PPP2R1A: variants seen among roughly 807,000 people sequenced by gnomAD.
The protein encoded by PPP2R1A is serine/threonine-protein phosphatase 2A 65 kDa regulatory subunit A alpha isoform.
PPP2R1A carries 15 observed loss-of-function variants against 67.1 expected under a neutral mutation model. The observed-to-expected ratio is 0.22, with a 90% confidence interval of 0.15 to 0.34. The LOEUF is 0.34. Ranked by LOEUF, PPP2R1A falls within the 10% of genes least tolerant of loss-of-function variation. The pLI is 1.00. For synonymous variants in PPP2R1A, 337 were observed against 325.0 expected (o/e 1.04, Z -0.40); for missense variants, 369 against 775.0 (o/e 0.48, Z 6.22).
Position 52,202,047 on chromosome 19 carries a change from ACCC to A in PPP2R1A, c.169+15_169+17del. The A allele has an allele frequency of 1.2e-6, 2 of 1,611,064 alleles. No homozygotes were observed. Among genetic ancestry groups the A allele is most frequent in the Non-Finnish European group, 1.7e-6 (2 of 1,177,440 alleles). On this transcript the variant is annotated intron_variant, in intron 2 of 14. Transcript: ENST00000322088. ...CCTTTCCTTACAGGTAACAAAGGGG[ACCC>A]CTGGGGCCCAGATGTGGGGACTCTT...
rs1023697423 is a variant in PPP2R1A, at chr19:52,215,773, C to T, written c.808-6C>T. The T allele has an allele frequency of 3.1e-6, 5 of 1,612,498 alleles. No homozygotes were observed. The African/African-American group carries it at 6.7e-5, about 22-fold the overall frequency. Reference sequence around the variant, plus strand: ...TCACTCTCCCCCTCCTCCTTCCTGTCTGCAGCTCCAGAAAGCAGTGGGGCC... The same window carrying T: ...TCACTCTCCCCCTCCTCCTTCCTGTTTGCAGCTCCAGAAAGCAGTGGGGCC... On this transcript the variant is annotated splice_polypyrimidine_tract_variant and splice_region_variant and intron_variant, in intron 6 of 14. Transcript: ENST00000322088.
chr19:52,211,484 A>C lies in PPP2R1A; in HGVS notation c.495A>C (p.Glu165Asp), dbSNP rs200123377. The change falls in exon 4 of 15, where the codon GAA (glutamate) becomes GAC (aspartate). Residue 165 changes from glutamate (E) to aspartate (D), a missense_variant. Glu to Asp is a conservative substitution (Grantham distance 45). Around this residue, in one of 2 missense-constraint regions of PPP2R1A, gnomAD observed 93 missense variants for 266.5 expected, o/e 0.35. Transcript: ENST00000322088. The surrounding 1 kb of genome is among the most constrained non-coding windows in gnomAD (Gnocchi z 5.3). Reference protein sequence around the residue: ...YPRVSSAVKAELRQYFRNLCS... With the variant: ...YPRVSSAVKADLRQYFRNLCS... ...GAGTGTCCAGTGCTGTGAAGGCGGA[A>C]CTTCGACAGTGAGTCTCTGCCTCCT... 2.5e-6 allele frequency: 4 copies of C among 1,606,676 alleles called. No individual in the cohort carries two copies. The highest frequency in any genetic ancestry group is 3.4e-6 in the Non-Finnish European group (4 of 1,174,572).
rs1979278457 is a variant in PPP2R1A, at chr19:52,226,565, A to G, written c.*584A>G. 1 of 197,524 alleles carries G rather than the reference A, an allele frequency of 5.1e-6. No homozygotes were observed. The allele number at this position is 197,524 out of a possible 1,614,324, so 12.2% of individuals were successfully genotyped here. On this transcript the variant is annotated 3_prime_UTR_variant, in exon 15 of 15. Coordinates refer to ENST00000322088, the MANE Select transcript of PPP2R1A (RefSeq NM_014225.6). ...AGAATACTCTGGGGATCCCCCCAGG[A>G]GTGCTGCTGGCCTTTGGGGTAGAGG...
At chr19:52,207,151 T>C (rs2089612281) in intron 3 of PPP2R1A, among the ~76,000 whole-genome samples, 1 of 152,208 alleles carries the variant, frequency 6.6e-6, no homozygotes, top group East Asian at 1.9e-4. Context: ...CAGAAAATTG[T>C]ATACAAATAG....
chr19:52,207,764 C>T (rs190816647), intron 3 of PPP2R1A, among the ~76,000 whole-genome samples: 40 of 152,228 alleles, frequency 2.6e-4, no homozygotes, highest in Non-Finnish European at 4.1e-4. Context: ...GTGAATTGTC[C>T]GAGCTGGGAA....
intron 12 of PPP2R1A, among the ~76,000 whole-genome samples, 187 bp downstream of exon 12, chr19:52,221,320 A>G (rs549010808): frequency 2.6e-5 from 4 of 152,250 alleles, no homozygotes; most frequent in East Asian, 3.9e-4. Flanking sequence ...GGTCAGGGTC[A>G]TAGGGCCTCT....
At position 52,226,136 on chromosome 19, in the gene PPP2R1A, C is replaced by T. The variant is rs1406870450; in HGVS notation, c.*155C>T. On this transcript the variant is annotated 3_prime_UTR_variant, in exon 15 of 15. Coordinates refer to ENST00000322088, the MANE Select transcript of PPP2R1A (RefSeq NM_014225.6). ...CCAGCACGGTTCCTCCTCTCCCCAG[C>T]CTGGGAAGATGTCTCACTGTCCACC... The T allele has an allele frequency of 1.7e-6, 2 of 1,169,478 alleles. No individual in the cohort carries two copies. Among genetic ancestry groups the T allele is most frequent in the Non-Finnish European group, 2.5e-6 (2 of 816,286 alleles). The allele number at this position is 1,169,478 out of a possible 1,614,324, so 72.4% of individuals were successfully genotyped here.
Position 52,228,493 on chromosome 19 carries a change from A to C in PPP2R1A, c.*2512A>C, listed in dbSNP as rs1979389641. On this transcript the variant is annotated 3_prime_UTR_variant, in exon 15 of 15. Coordinates refer to ENST00000322088, the MANE Select transcript of PPP2R1A (RefSeq NM_014225.6). ...CATGTTGGAAGAATCCAATCAGGTG[A>C]TGAATGTGATGTTATTAAGTCCATT... 6.6e-6 allele frequency: 1 copy of C among 152,214 alleles called. No individual in the cohort carries two copies. The highest frequency in any genetic ancestry group is 2.1e-4 in the South Asian group (1 of 4,830). The allele number at this position is 152,214 out of a possible 1,614,324, so 9.4% of individuals were successfully genotyped here.
intron 3 of PPP2R1A, among the ~76,000 whole-genome samples, chr19:52,206,367 C>A (rs993461462): frequency 1.3e-5 from 2 of 152,146 alleles, no homozygotes; most frequent in African/African-American, 4.8e-5. Context: ...TGCTGTGTGA[C>A]TTGTAAGAGA....
intron 13 of PPP2R1A, 79 bp from the exon 14 acceptor site, chr19:52,225,638 C>G (rs1162865004): frequency 6.0e-6 from 8 of 1,342,106 alleles, no homozygotes; most frequent in Admixed American, 3.4e-5. Flanking sequence ...CACTCTCTTG[C>G]CCAAGAGCCC....
In PPP2R1A at chr19:52,213,680, A is replaced by C. The variant is rs867462551; in HGVS notation, c.807+570A>C. Among the ~76,000 whole-genome samples, 1 of 151,750 alleles carries C rather than the reference A, an allele frequency of 6.6e-6. No individual in the cohort carries two copies. The highest frequency in any genetic ancestry group is 2.1e-4 in the South Asian group (1 of 4,802). On this transcript the variant is annotated intron_variant, in intron 6 of 14. Coordinates refer to ENST00000322088, the MANE Select transcript of PPP2R1A (RefSeq NM_014225.6). This position sits in a 1 kb window ranked among gnomAD's most constrained non-coding sequence, Gnocchi z 4.2. ...GTATTTTTATTAGAGACGGGGTTTC[A>C]CCATGTTGTTAGCCAGGCTAGTCTC...
intron 1 of PPP2R1A, among the ~76,000 whole-genome samples, chr19:52,196,522 T>C (rs1000672898): frequency 1.3e-5 from 2 of 152,178 alleles, no homozygotes; most frequent in African/African-American, 4.8e-5. Flanking sequence ...CCTCCTCCCT[T>C]TTATGAAGGA....
Position 52,216,780 on chromosome 19 carries a change from A to C in PPP2R1A, c.1128+117A>C. ...TGCTGATATCTCAACAGACATCCAG[A>C]TCTTTGCTGAGTTGCATGTTTGTGG... On this transcript the variant is annotated intron_variant, in intron 9 of 14. Coordinates refer to ENST00000322088, the MANE Select transcript of PPP2R1A (RefSeq NM_014225.6). The surrounding 1 kb of genome is among the most constrained non-coding windows in gnomAD (Gnocchi z 4.3). The C allele has an allele frequency of 6.8e-7, 1 of 1,477,022 alleles. No homozygotes were observed. Among genetic ancestry groups the C allele is most frequent in the South Asian group, 1.2e-5 (1 of 80,110 alleles). The allele number at this position is 1,477,022 out of a possible 1,614,324, so 91.5% of individuals were successfully genotyped here.
At chr19:52,221,205 G>T in intron 12 of PPP2R1A, 72 bp downstream of exon 12, 4 of 1,582,342 alleles carry the variant, frequency 2.5e-6, no homozygotes, top group Non-Finnish European at 3.5e-6. Flanking sequence ...GATGCTAGAG[G>T]GTTCCCCAAG....
Position 52,212,893 on chromosome 19 carries a change from A to G in PPP2R1A, c.651+60A>G, listed in dbSNP as rs976292603. 13 of 1,565,310 alleles carry G rather than the reference A, an allele frequency of 8.3e-6. No homozygotes were observed. The highest frequency in any genetic ancestry group is 6.8e-5 in the African/African-American group (5 of 73,690). Reference sequence around the variant, plus strand: ...CCTTCTGGTGGTTCCTGCCCATGAAAGAGAATCCCAGAGCTCAGCAAGGCC... The same window carrying G: ...CCTTCTGGTGGTTCCTGCCCATGAAGGAGAATCCCAGAGCTCAGCAAGGCC... On this transcript the variant is annotated intron_variant, in intron 5 of 14. Coordinates refer to ENST00000322088, the MANE Select transcript of PPP2R1A (RefSeq NM_014225.6). This position sits in a 1 kb window ranked among gnomAD's most constrained non-coding sequence, Gnocchi z 4.1.
chr19:52,190,382 C>T (rs2089442047), intron 1 of PPP2R1A: 4 of 637,434 alleles, frequency 6.3e-6, no homozygotes, highest in African/African-American at 1.9e-5. Flanking sequence ...GGGGCCAGCG[C>T]TAGCCTCGAG....
rs916033846 is a variant in PPP2R1A, at chr19:52,226,359, G to A, written c.*378G>A. ...TTTTTTTTTGTGTGTCAACTGTGCC[G>A]TTTTTATTTTATTCCTTTTATTTTC... On this transcript the variant is annotated 3_prime_UTR_variant, in exon 15 of 15. Coordinates refer to ENST00000322088, the MANE Select transcript of PPP2R1A (RefSeq NM_014225.6). 15 of 352,844 alleles carry A rather than the reference G, an allele frequency of 4.3e-5. No homozygotes were observed. The highest frequency in any genetic ancestry group is 1.3e-4 in the Admixed American group (3 of 22,540). The allele number at this position is 352,844 out of a possible 1,614,324, so 21.9% of individuals were successfully genotyped here. A position where few individuals can be genotyped will look rare whatever the true frequency, so the allele number is the denominator to read the frequency against.
In PPP2R1A at chr19:52,211,184, T is replaced by C; in HGVS notation, c.271-76T>C. The C allele has an allele frequency of 7.2e-7, 1 of 1,387,274 alleles. No homozygotes were observed. Among genetic ancestry groups the C allele is most frequent in the Non-Finnish European group, 1.0e-6 (1 of 1,001,938 alleles). 85.9% of individuals were successfully genotyped at this position (1,387,274 alleles called of 1,614,324 possible). ...TTTCTCTGAGGAGATGAGCCCATGA[T>C]GGGGTGCAGGATGGGGCTCCAGGGC... On this transcript the variant is annotated intron_variant, in intron 3 of 14. Transcript: ENST00000322088. The surrounding 1 kb of genome is among the most constrained non-coding windows in gnomAD (Gnocchi z 5.3).
intron 3 of PPP2R1A, among the ~76,000 whole-genome samples, chr19:52,207,255 T>G (rs186401327): frequency 9.9e-5 from 15 of 152,250 alleles, no homozygotes. Flanking sequence ...TTTCACAAAA[T>G]TATCTGTAGC....
Sources: allele counts gnomAD v4.1 joint callset (sites outside exome capture counted in the v4.1 genomes callset), GRCh38; gene constraint gnomAD v4.1.1; regional missense constraint gnomAD v4.1.1; non-coding constraint Gnocchi (gnomAD v3.1); transcripts MANE v1.5; gene names NCBI Gene and HGNC (gene_info 2026-07-23, HGNC 2026-07-21).